Variants in CNTNAP2 observed in about 807,000 individuals in gnomAD.
CNTNAP2 encodes contactin-associated protein-like 2.
In CNTNAP2, 98 loss-of-function variants were observed where a neutral mutation model predicts 155.2. The observed-to-expected ratio is 0.63, with a 90% CI of 0.54 to 0.75. CNTNAP2 has a LOEUF of 0.75. Ranked by LOEUF, CNTNAP2 falls within the 30% of genes least tolerant of loss-of-function variation. CNTNAP2 has a pLI of 0.00. For missense variants in CNTNAP2, 1,727 were observed against 1,688.1 expected (o/e 1.02, Z -0.40); for synonymous variants, 651 against 631.2 (o/e 1.03, Z -0.47).
intron 1 of CNTNAP2, among the ~76,000 whole-genome samples, chr7:146,532,142 A>G (rs1797779720): frequency 6.6e-6 from 1 of 152,182 alleles, no homozygotes; most frequent in African/African-American, 2.4e-5. Context: ...ATGAGGAGAG[A>G]AATGAAAATA....
At chr7:147,836,957 T>C (rs851707) in intron 13 of CNTNAP2, among the ~76,000 whole-genome samples, 116,958 of 152,204 alleles carry the variant, frequency 0.77, 45,977 homozygotes, top group African/African-American at 0.95. Context: ...AAGTTCTGCT[T>C]TGTCCCAAAG....
chr7:146,912,164 A>C (rs1796297109), intron 3 of CNTNAP2, among the ~76,000 whole-genome samples: 1 of 150,566 alleles, frequency 6.6e-6, no homozygotes, highest in Non-Finnish European at 1.5e-5. Flanking sequence ...CATATTTGGA[A>C]TATGGCTGTA....
chr7:147,487,912 G>A (rs1798538318), intron 11 of CNTNAP2, among the ~76,000 whole-genome samples: 2 of 152,072 alleles, frequency 1.3e-5, no homozygotes, highest in Non-Finnish European at 2.9e-5. Flanking sequence ...ATCTTTAAAA[G>A]CAGAATCATT....
intron 11 of CNTNAP2, among the ~76,000 whole-genome samples, chr7:147,554,838 T>A (rs1032831168): frequency 1.3e-5 from 2 of 151,982 alleles, no homozygotes; most frequent in African/African-American, 2.4e-5. Flanking sequence ...GGGTATTCAT[T>A]CAAGCTCTAA....
intron 3 of CNTNAP2, among the ~76,000 whole-genome samples, chr7:146,914,738 T>A (rs1796360171): frequency 1.3e-5 from 2 of 152,220 alleles, no homozygotes; most frequent in South Asian, 4.1e-4. Flanking sequence ...TTTCTCCCAC[T>A]CTGTGGGTTG....
rs554445716 is a variant in CNTNAP2, at chr7:147,731,147, T to C, written c.2098+91841T>C. Among the ~76,000 whole-genome samples the C allele has an allele frequency of 4.8e-4, 73 of 152,294 alleles. 1 individual carries two copies. Among genetic ancestry groups the C allele is most frequent in the Admixed American group, 4.8e-3 (73 of 15,282 alleles). On this transcript the variant is annotated intron_variant, in intron 13 of 23. Coordinates refer to ENST00000361727, the MANE Select transcript of CNTNAP2 (RefSeq NM_014141.6). ...GATGTAGAAGCTGCAACAAGTTATCTAGAAGGTCTAGCTAACGTAATTGAT... is the reference window on the plus strand; with the variant it reads ...GATGTAGAAGCTGCAACAAGTTATCCAGAAGGTCTAGCTAACGTAATTGAT...
At chr7:148,407,799 T>C (rs912525234) in intron 22 of CNTNAP2, among the ~76,000 whole-genome samples, 3 of 150,572 alleles carry the variant, frequency 2.0e-5, no homozygotes, top group Non-Finnish European at 3.0e-5. Flanking sequence ...ACTTGGGGAA[T>C]ATGAAATCCT....
chr7:147,768,738 T>A (rs1263794892), intron 13 of CNTNAP2, among the ~76,000 whole-genome samples: 2 of 152,096 alleles, frequency 1.3e-5, no homozygotes, highest in African/African-American at 4.8e-5. Flanking sequence ...TAATGATACC[T>A]TTTGAAGGTG....
At chr7:146,154,636 C>T (rs1255323749) in intron 1 of CNTNAP2, among the ~76,000 whole-genome samples, 1 of 152,176 alleles carries the variant, frequency 6.6e-6, no homozygotes, top group Non-Finnish European at 1.5e-5. Flanking sequence ...TCTCACAAAG[C>T]ATTTACAGCA....
At chr7:146,268,150 T>G (rs1322579182) in intron 1 of CNTNAP2, among the ~76,000 whole-genome samples, 2 of 152,196 alleles carry the variant, frequency 1.3e-5, no homozygotes, top group East Asian at 1.9e-4. Context: ...CAATCAACTT[T>G]GGGAGAACTT....
chr7:147,176,280 T>G (rs1479986494), intron 8 of CNTNAP2, among the ~76,000 whole-genome samples: 2 of 152,190 alleles, frequency 1.3e-5, no homozygotes, highest in Non-Finnish European at 2.9e-5. Flanking sequence ...AGAGAGATAA[T>G]TAAATGTGGT....
chr7:148,313,134 A>AGT (rs1797624515), intron 21 of CNTNAP2, among the ~76,000 whole-genome samples: 1 of 151,702 alleles, frequency 6.6e-6, no homozygotes, highest in African/African-American at 2.4e-5. Context: ...AAGCCTGGCC[A>AGT]TCAATACCCA....
intron 9 of CNTNAP2, among the ~76,000 whole-genome samples, chr7:147,328,889 A>G (rs1022542006): frequency 1.3e-5 from 2 of 152,180 alleles, no homozygotes; most frequent in African/African-American, 4.8e-5. Context: ...GTCTTTGGCA[A>G]AATCTGTAGT....
intron 1 of CNTNAP2, among the ~76,000 whole-genome samples, chr7:146,234,428 T>G (rs1322139543): frequency 6.6e-6 from 1 of 152,154 alleles, no homozygotes; most frequent in African/African-American, 2.4e-5. Flanking sequence ...TTCACTCTGA[T>G]GGTAGTTTGT....
intron 1 of CNTNAP2, among the ~76,000 whole-genome samples, chr7:146,685,767 C>G (rs1397866216): frequency 1.3e-5 from 2 of 152,030 alleles, no homozygotes; most frequent in African/African-American, 4.8e-5. Flanking sequence ...ATGTGTATAT[C>G]CATTTTCCTT....
intron 15 of CNTNAP2, among the ~76,000 whole-genome samples, chr7:148,059,988 T>G (rs1168453483): frequency 1.3e-5 from 2 of 152,026 alleles, no homozygotes; most frequent in Non-Finnish European, 2.9e-5. Context: ...TTTCCAGGAA[T>G]AGTCATTTTT....
chr7:147,326,206 T>C (rs34541071), intron 9 of CNTNAP2, among the ~76,000 whole-genome samples: 1 of 152,152 alleles, frequency 6.6e-6, no homozygotes, highest in Non-Finnish European at 1.5e-5. Flanking sequence ...TTACAGGCGT[T>C]AGCCACTGCG....
chr7:146,411,342 G>C (rs1388196370), intron 1 of CNTNAP2, among the ~76,000 whole-genome samples: 1 of 151,982 alleles, frequency 6.6e-6, no homozygotes, highest in Non-Finnish European at 1.5e-5. Context: ...GTTTTTAGTA[G>C]AGACGGGGTT....
intron 7 of CNTNAP2, among the ~76,000 whole-genome samples, chr7:147,131,209 T>C (rs1404114677): frequency 6.6e-6 from 1 of 151,016 alleles, no homozygotes; most frequent in Non-Finnish European, 1.5e-5. Flanking sequence ...GTATACCATA[T>C]ACATATACAT....
Sources: allele counts gnomAD v4.1 joint callset (sites outside exome capture counted in the v4.1 genomes callset), GRCh38; gene constraint gnomAD v4.1.1; transcripts MANE v1.5; gene names NCBI Gene and HGNC (gene_info 2026-07-23, HGNC 2026-07-21).